Variants in TMEM108 observed in about 807,000 individuals in gnomAD.
TMEM108 encodes cancer/testis antigen 124.
TMEM108 carries 12 observed loss-of-function variants against 35.1 expected under a neutral mutation model. The observed-to-expected ratio is 0.34, with a 90% CI of 0.22 to 0.55. TMEM108 has a LOEUF of 0.55. Among genes scored for constraint, TMEM108 ranks in the 20% least tolerant of loss-of-function variants. TMEM108 has a pLI of 0.89. For missense variants in TMEM108, 680 were observed against 753.3 expected, an observed-to-expected ratio of 0.90 and a Z score of 1.14; for synonymous variants, 287 against 308.6, an observed-to-expected ratio of 0.93 and a Z score of 0.73.
chr3:133,290,075 C>T (rs1947041334), intron 3 of TMEM108, among the ~76,000 whole-genome samples: 1 of 152,150 alleles, frequency 6.6e-6, no homozygotes, highest in African/African-American at 2.4e-5. Context: ...AGACAATAAA[C>T]AGGATTAACA....
intron 2 of TMEM108, among the ~76,000 whole-genome samples, chr3:133,105,895 G>T (rs1375698860): frequency 6.6e-6 from 1 of 152,094 alleles, no homozygotes; most frequent in Non-Finnish European, 1.5e-5. Flanking sequence ...GTACCCCATG[G>T]GCAGTGGGTA....
chr3:133,357,647 T>G (rs1052446804), intron 3 of TMEM108, among the ~76,000 whole-genome samples: 1 of 151,796 alleles, frequency 6.6e-6, no homozygotes, highest in Non-Finnish European at 1.5e-5. Context: ...GGAGCTGGAG[T>G]CCATTATTCC....
rs1453453373 is a variant in TMEM108 at position 133,379,992 on chromosome 3, C to G, written c.281C>G (p.Thr94Arg). 1.9e-6 allele frequency: 3 copies of G among 1,613,912 alleles called. No homozygotes were observed. Among genetic ancestry groups the G allele is most frequent in the South Asian group, 2.2e-5 (2 of 91,078 alleles). The change falls in exon 4 of 6, where the codon ACG (threonine) becomes AGG (arginine). Residue 94 changes from threonine to arginine, a missense_variant. Around this residue, in one of 3 missense-constraint regions of TMEM108, gnomAD observed 526 missense variants for 532.1 expected, o/e 0.99. Transcript: ENST00000321871. ...CCCCGTGCAGAGGGGCACCCTCCTA[C>G]GCACACCATCTCCACCATCGCTGCG... ...PTPRAEGHPP[T>R]HTISTIAATV...
chr3:133,237,159 T>C (rs988108298), intron 3 of TMEM108, among the ~76,000 whole-genome samples: 1 of 143,540 alleles, frequency 7.0e-6, no homozygotes, highest in African/African-American at 2.5e-5. Context: ...CATTTCTTCT[T>C]CCTTTTTTTT....
At chr3:133,289,444 TC>T (rs1376491470) in intron 3 of TMEM108, among the ~76,000 whole-genome samples, 1 of 152,156 alleles carries the variant, frequency 6.6e-6, no homozygotes, top group Non-Finnish European at 1.5e-5. Flanking sequence ...GTACTCGACA[TC>T]AGTCAGACAC....
chr3:133,390,055 T>G, intron 4 of TMEM108, 125 bp from the exon 5 acceptor site: 2 of 1,166,784 alleles, frequency 1.7e-6, no homozygotes, highest in Non-Finnish European at 2.5e-6. Flanking sequence ...CAGTTCACCA[T>G]GCCCTGCCCC....
At chr3:133,051,868 T>G (rs1450273981) in intron 2 of TMEM108, among the ~76,000 whole-genome samples, 1 of 152,150 alleles carries the variant, frequency 6.6e-6, no homozygotes. Flanking sequence ...GGTCTGTTAT[T>G]TTATCAATAC....
intron 3 of TMEM108, among the ~76,000 whole-genome samples, chr3:133,267,695 AG>A (rs1423781905): frequency 2.7e-5 from 2 of 74,822 alleles, no homozygotes; most frequent in South Asian, 4.4e-4. Context: ...CAGGAGCTAC[AG>A]TTATCTGAAG....
Position 133,106,148 on chromosome 3 carries a change from C to T in TMEM108, c.-47+60128C>T, listed in dbSNP as rs991413828. 2.9e-5 allele frequency among the ~76,000 whole-genome samples: 4 copies of T among 138,408 alleles called. No individual in the cohort carries two copies. The East Asian group carries it at 6.6e-4, about 23-fold the overall frequency. The allele number at this position is 138,408 out of a possible 152,430, so 90.8% of individuals were successfully genotyped here. A position where few individuals can be genotyped will look rare whatever the true frequency, so the allele number is the denominator to read the frequency against. ...TGTTGTCAGAGCCTATAAGAGGAGG[C>T]TGGGACTTCCAATTGAGAGGTTAAA... On this transcript the variant is annotated intron_variant, in intron 2 of 5. Coordinates refer to ENST00000321871, the MANE Select transcript of TMEM108 (RefSeq NM_023943.4).
chr3:133,179,485 G>A (rs1342619325), intron 2 of TMEM108, among the ~76,000 whole-genome samples: 2 of 151,988 alleles, frequency 1.3e-5, no homozygotes, highest in East Asian at 1.9e-4. Context: ...CATAAAAAAT[G>A]ATGAGTTCAT....
At chr3:133,159,889 G>C (rs1944936712) in intron 2 of TMEM108, among the ~76,000 whole-genome samples, 1 of 152,120 alleles carries the variant, frequency 6.6e-6, no homozygotes, top group Admixed American at 6.5e-5. Flanking sequence ...ATCTCTTTCT[G>C]TTTTGTCCTG....
chr3:133,188,211 C>A (rs1049239287), intron 2 of TMEM108, among the ~76,000 whole-genome samples: 3 of 152,090 alleles, frequency 2.0e-5, no homozygotes, highest in African/African-American at 7.2e-5. Flanking sequence ...TCCCATCGAA[C>A]CAGGCGCGTC....
At chr3:133,315,212 GT>G in intron 3 of TMEM108, among the ~76,000 whole-genome samples, 1 of 152,314 alleles carries the variant, frequency 6.6e-6, no homozygotes, top group Middle Eastern at 3.4e-3. Flanking sequence ...TTAATATCCT[GT>G]TTTTATGGTT....
At chr3:133,343,060 T>A (rs186183218) in intron 3 of TMEM108, among the ~76,000 whole-genome samples, 1 of 151,748 alleles carries the variant, frequency 6.6e-6, no homozygotes, top group Non-Finnish European at 1.5e-5. Context: ...CAAGAAAAAA[T>A]GTGCAAAAGA....
chr3:133,378,639 TC>T, intron 3 of TMEM108: 1 of 646,152 alleles, frequency 1.5e-6, no homozygotes, highest in Non-Finnish European at 1.9e-6. Context: ...TGTCAACGGC[TC>T]CTACATGTCA....
At chr3:133,152,370 T>C (rs1944814873) in intron 2 of TMEM108, among the ~76,000 whole-genome samples, 1 of 152,204 alleles carries the variant, frequency 6.6e-6, no homozygotes, top group South Asian at 2.1e-4. Flanking sequence ...TCACTTCATC[T>C]ATTTTGTTCA....
intron 2 of TMEM108, among the ~76,000 whole-genome samples, chr3:133,054,598 G>A (rs1273788561): frequency 6.6e-6 from 1 of 152,230 alleles, no homozygotes; most frequent in Non-Finnish European, 1.5e-5. Context: ...ACCTCACATA[G>A]TGTGTTTTGT....
intron 3 of TMEM108, among the ~76,000 whole-genome samples, chr3:133,316,040 T>C (rs1383761433): frequency 6.6e-6 from 1 of 152,046 alleles, no homozygotes; most frequent in Non-Finnish European, 1.5e-5. Context: ...AATGATAAAA[T>C]AAAAAGAGAG....
chr3:133,170,274 A>C (rs1945110543), intron 2 of TMEM108, among the ~76,000 whole-genome samples: 1 of 152,240 alleles, frequency 6.6e-6, no homozygotes. Flanking sequence ...GTATGCAAAC[A>C]CAGGACTAAG....
Sources: gnomAD v4.1 joint callset for allele counts (sites outside exome capture counted in the v4.1 genomes callset) on GRCh38, gnomAD v4.1.1 for gene constraint, gnomAD v4.1.1 regional missense constraint, MANE v1.5 for transcripts, NCBI Gene and HGNC (gene_info 2026-07-23, HGNC 2026-07-21) for gene names.